Variants in FEZ1 observed in about 807,000 individuals in gnomAD.
FEZ1 encodes fasciculation and elongation protein zeta 1, also known as fasciculation and elongation protein zeta-1.
Under a neutral mutation model 49.3 loss-of-function variants are expected in FEZ1, and 20 were observed. That is an observed-to-expected ratio of 0.41 (90% CI 0.29 to 0.59). The LOEUF (loss-of-function observed/expected upper bound fraction) is 0.59, where lower values mean the gene tolerates loss of function less well. Among genes scored for constraint, FEZ1 ranks in the 20% least tolerant of loss-of-function variants. The pLI is 0.36. For missense variants in FEZ1, 413 were observed against 476.0 expected (o/e 0.87, Z 1.23); for synonymous variants, 170 against 180.9 (o/e 0.94, Z 0.48).
chr11:125,480,371 G>C (rs1957268270), intron 3 of FEZ1, among the ~76,000 whole-genome samples: 1 of 152,170 alleles, frequency 6.6e-6, no homozygotes, highest in Admixed American at 6.5e-5. Flanking sequence ...AGGCGACACA[G>C]TGAGACCCTG....
chr11:125,494,660 T>C (rs961429420), intron 1 of FEZ1, among the ~76,000 whole-genome samples: 1 of 152,200 alleles, frequency 6.6e-6, no homozygotes, highest in African/African-American at 2.4e-5. Flanking sequence ...TACAATCTAT[T>C]CCATTTATTT....
At position 125,489,963 on chromosome 11, in the gene FEZ1, G is replaced by C. The variant is rs565180398; in HGVS notation, c.-45-141C>G. 1 of 685,408 alleles carries C rather than the reference G, an allele frequency of 1.5e-6. No individual in the cohort carries two copies. Among genetic ancestry groups the C allele is most frequent in the Non-Finnish European group, 2.2e-6 (1 of 454,092 alleles). The allele number at this position is 685,408 out of a possible 1,614,324, so 42.5% of individuals were successfully genotyped here. On this transcript the variant is annotated intron_variant, in intron 1 of 9. Coordinates refer to ENST00000278919, the MANE Select transcript of FEZ1 (RefSeq NM_005103.5). This position sits in a 1 kb window ranked among gnomAD's most constrained non-coding sequence, Gnocchi z 4.2. ...AAGTACGAAGCTCCTGGACAAGATCGTCTAGGTTTGCATTCTGTTCTGTCC... is the reference window on the plus strand; with the variant it reads ...AAGTACGAAGCTCCTGGACAAGATCCTCTAGGTTTGCATTCTGTTCTGTCC...
intron 2 of FEZ1, among the ~76,000 whole-genome samples, chr11:125,487,282 G>C (rs913799740): frequency 6.6e-6 from 1 of 152,080 alleles, no homozygotes; most frequent in Non-Finnish European, 1.5e-5. Flanking sequence ...GGGCATCCTG[G>C]GTGAGGTAAG....
chr11:125,483,475 A>T (rs1261447619), intron 2 of FEZ1, among the ~76,000 whole-genome samples: 1 of 152,214 alleles, frequency 6.6e-6, no homozygotes. Flanking sequence ...CATGGGTGAT[A>T]CCCTAATCTC....
At chr11:125,448,694 T>C (rs1956920042) in intron 8 of FEZ1, 127 bp from the exon 9 acceptor site, 8 of 687,040 alleles carry the variant, frequency 1.2e-5, no homozygotes, top group Non-Finnish European at 2.1e-5. Flanking sequence ...TTATTGAGTA[T>C]TGAGCAAAAG....
rs141594971 is a variant in FEZ1, at chr11:125,457,403, T to TA, written c.668-1298dup. Among the ~76,000 whole-genome samples, 156 of 35,112 alleles carry TA rather than the reference T, an allele frequency of 4.4e-3. 4 individuals are homozygous for TA. Among genetic ancestry groups the TA allele is most frequent in the Middle Eastern group, 0.17 (2 of 12 alleles). The allele number at this position is 35,112 out of a possible 152,430, so 23.0% of individuals were successfully genotyped here. ...CAACATGGTGAAACTGTTTCTACTTTAAAAAAAAAAAAAAAAAAAAAAAAA... is the reference window on the plus strand; with the variant it reads ...CAACATGGTGAAACTGTTTCTACTTTAAAAAAAAAAAAAAAAAAAAAAAAAA... On this transcript the variant is annotated intron_variant, in intron 5 of 9. Transcript: ENST00000278919.
chr11:125,489,073 T>A lies in FEZ1; in HGVS notation c.311+394A>T. ...TCGGGATTTTCAAAATTCTGGTGTT[T>A]CTTGAAGCAAATTAGTCCAATAACA... On this transcript the variant is annotated intron_variant, in intron 2 of 9. Transcript: ENST00000278919. This position sits in a 1 kb window ranked among gnomAD's most constrained non-coding sequence, Gnocchi z 4.2. The A allele has an allele frequency of 1.0e-6, 1 of 988,474 alleles. No homozygotes were observed. Among genetic ancestry groups the A allele is most frequent in the Non-Finnish European group, 1.2e-6 (1 of 832,132 alleles). 61.2% of individuals were successfully genotyped at this position (988,474 alleles called of 1,614,324 possible).
rs201425669 is a variant in FEZ1, at chr11:125,460,452, G to C, written c.667+46C>G. On this transcript the variant is annotated intron_variant, in intron 5 of 9. Coordinates refer to ENST00000278919, the MANE Select transcript of FEZ1 (RefSeq NM_005103.5). Reference sequence around the variant, plus strand: ...AGCACACAGCCCAGAGCCTGGCCCCGAGCAGGTGCTTCCTCCTCGGCCAGC... The same window carrying C: ...AGCACACAGCCCAGAGCCTGGCCCCCAGCAGGTGCTTCCTCCTCGGCCAGC... The C allele has an allele frequency of 1.1e-5, 17 of 1,575,342 alleles. No individual in the cohort carries two copies. The East Asian group carries it at 3.1e-4, about 29-fold the overall frequency.
At position 125,495,474 on chromosome 11, in the gene FEZ1, C is replaced by G. The variant is rs1290107387; in HGVS notation, c.-46+647G>C. On this transcript the variant is annotated intron_variant, in intron 1 of 9. Coordinates refer to ENST00000278919, the MANE Select transcript of FEZ1 (RefSeq NM_005103.5). This position sits in a 1 kb window ranked among gnomAD's most constrained non-coding sequence, Gnocchi z 4.2. ...GCGCGCCCCGCCACCGCGCAGCCGC[C>G]CCGGTCCCTTCTCCCGCCCGTCTGT... 1 of 470,838 alleles carries G rather than the reference C, an allele frequency of 2.1e-6. No homozygotes were observed. Among genetic ancestry groups the G allele is most frequent in the African/African-American group, 2.0e-5 (1 of 50,004 alleles). 29.2% of individuals were successfully genotyped at this position (470,838 alleles called of 1,614,324 possible).
intron 3 of FEZ1, among the ~76,000 whole-genome samples, chr11:125,471,219 C>T (rs1957180117): frequency 6.6e-6 from 1 of 152,010 alleles, no homozygotes; most frequent in Admixed American, 6.6e-5. Flanking sequence ...ATGGGACAAT[C>T]AGAAATGAAG....
Position 125,489,840 on chromosome 11 carries a change from C to T in FEZ1, c.-45-18G>A, listed in dbSNP as rs1591603839. 10 of 1,503,184 alleles carry T rather than the reference C, an allele frequency of 6.7e-6. No homozygotes were observed. Among genetic ancestry groups the T allele is most frequent in the Middle Eastern group, 3.6e-4 (2 of 5,570 alleles). The allele number at this position is 1,503,184 out of a possible 1,614,324, so 93.1% of individuals were successfully genotyped here. ...GAGTTTATCTAAAAGAAATGAACAGCGTAATGTGAGTTTAGACCAGGCTAA... is the reference window on the plus strand; with the variant it reads ...GAGTTTATCTAAAAGAAATGAACAGTGTAATGTGAGTTTAGACCAGGCTAA... On this transcript the variant is annotated intron_variant, in intron 1 of 9. Coordinates refer to ENST00000278919, the MANE Select transcript of FEZ1 (RefSeq NM_005103.5). The surrounding 1 kb of genome is among the most constrained non-coding windows in gnomAD (Gnocchi z 4.2).
rs141594971 is a variant in FEZ1 at position 125,457,403 on chromosome 11, T to TAAAA, written c.668-1301_668-1298dup. Reference sequence around the variant, plus strand: ...CAACATGGTGAAACTGTTTCTACTTTAAAAAAAAAAAAAAAAAAAAAAAAA... The same window carrying TAAAA: ...CAACATGGTGAAACTGTTTCTACTTTAAAAAAAAAAAAAAAAAAAAAAAAAAAAA... On this transcript the variant is annotated intron_variant, in intron 5 of 9. Coordinates refer to ENST00000278919, the MANE Select transcript of FEZ1 (RefSeq NM_005103.5). Among the ~76,000 whole-genome samples the TAAAA allele has an allele frequency of 2.6e-4, 9 of 35,124 alleles. 1 individual carries two copies. Among genetic ancestry groups the TAAAA allele is most frequent in the Non-Finnish European group, 3.5e-4 (7 of 20,176 alleles). 23.0% of individuals were successfully genotyped at this position (35,124 alleles called of 152,430 possible).
At chr11:125,490,394 A>G (rs867956256) in intron 1 of FEZ1, among the ~76,000 whole-genome samples, 1 of 152,226 alleles carries the variant, frequency 6.6e-6, no homozygotes. Flanking sequence ...TAACTTTTTA[A>G]TTACAAAGAT....
In FEZ1 at chr11:125,445,409, G is replaced by T. The variant is rs1378516943; in HGVS notation, c.*686C>A. ...CCACCAGGAGATCTGCAGCTGTGTG[G>T]CTCCTCCATGAGGCCCACTTTCTAT... On this transcript the variant is annotated 3_prime_UTR_variant, in exon 10 of 10. Transcript: ENST00000278919. This position sits in a 1 kb window ranked among gnomAD's most constrained non-coding sequence, Gnocchi z 4.4. 6.6e-6 allele frequency among the ~76,000 whole-genome samples: 1 copy of T among 152,198 alleles called. No homozygotes were observed. The highest frequency in any genetic ancestry group is 6.5e-5 in the Admixed American group (1 of 15,286).
chr11:125,463,040 C>T (rs930793443), intron 4 of FEZ1, among the ~76,000 whole-genome samples: 1 of 151,488 alleles, frequency 6.6e-6, no homozygotes, highest in Non-Finnish European at 1.5e-5. Flanking sequence ...TGGCTCATGC[C>T]TATAATCCCA....
In FEZ1 at chr11:125,444,838, T is replaced by G. The variant is rs1956885715; in HGVS notation, c.*1257A>C. ...TGGGCGAGCTACTGAACATCTCTGC[T>G]GCTTGGTTTCCTCCTCTGCAAAATC... is the stretch of plus-strand genomic sequence containing the variant. On this transcript the variant is annotated 3_prime_UTR_variant, in exon 10 of 10. Transcript: ENST00000278919. Among the ~76,000 whole-genome samples the G allele has an allele frequency of 6.6e-6, 1 of 152,226 alleles. No homozygotes were observed. Among genetic ancestry groups the G allele is most frequent in the Admixed American group, 6.5e-5 (1 of 15,284 alleles).
At chr11:125,468,737 C>A (rs1423706174) in intron 3 of FEZ1, among the ~76,000 whole-genome samples, 1 of 152,186 alleles carries the variant, frequency 6.6e-6, no homozygotes, top group African/African-American at 2.4e-5. Context: ...CGAGAGCAGG[C>A]TGCCCAAGGT....
intron 3 of FEZ1, among the ~76,000 whole-genome samples, chr11:125,471,337 A>C (rs1026191641): frequency 3.9e-5 from 6 of 152,062 alleles, no homozygotes; most frequent in African/African-American, 1.4e-4. Flanking sequence ...TGTCAGACTG[A>C]ATATAAAAAC....
chr11:125,458,437 G>A (rs1957040793), intron 5 of FEZ1, among the ~76,000 whole-genome samples: 1 of 152,220 alleles, frequency 6.6e-6, no homozygotes, highest in Admixed American at 6.5e-5. Context: ...GTGTCAGAGA[G>A]TTAAGAGGAT....
Sources: gnomAD v4.1 joint callset for allele counts (sites outside exome capture counted in the v4.1 genomes callset) on GRCh38, gnomAD v4.1.1 for gene constraint, Gnocchi (gnomAD v3.1) non-coding constraint, MANE v1.5 for transcripts, NCBI Gene and HGNC (gene_info 2026-07-23, HGNC 2026-07-21) for gene names.